SEC62: variants seen among roughly 807,000 people sequenced by gnomAD.
SEC62 encodes the protein translocation protein SEC62.
In SEC62, 10 loss-of-function variants were observed where a neutral mutation model predicts 47.5. That is an observed-to-expected ratio of 0.21 (90% CI 0.13 to 0.36). The LOEUF is 0.36. SEC62 is among the 10% of genes least tolerant of loss of function. The pLI, the probability that SEC62 is intolerant of heterozygous loss-of-function variation, is 1.00. For missense variants in SEC62, 327 were observed against 464.1 expected, an observed-to-expected ratio of 0.70 and a Z score of 2.71; for synonymous variants, 136 against 150.5, an observed-to-expected ratio of 0.90 and a Z score of 0.71.
rs1001635471 is a variant in SEC62, at chr3:169,996,477, G to A, written c.*3414G>A. On this transcript the variant is annotated 3_prime_UTR_variant, in exon 8 of 8. Transcript: ENST00000337002. The stretch of plus-strand genomic sequence containing the variant: ...CTTGCACCATTAAATAGTGTGTTAA[G>A]TGCTACGGCAGCAAATTGCTACATG... 2 of 152,660 alleles carry A rather than the reference G, an allele frequency of 1.3e-5. No individual in the cohort carries two copies. The highest frequency in any genetic ancestry group is 4.8e-5 in the African/African-American group (2 of 41,440). 9.5% of individuals were successfully genotyped at this position (152,660 alleles called of 1,614,324 possible). A position where few individuals can be genotyped will look rare whatever the true frequency, so the allele number is the denominator to read the frequency against.
chr3:169,990,775 G>A (rs1715231844), intron 7 of SEC62, among the ~76,000 whole-genome samples: 1 of 152,066 alleles, frequency 6.6e-6, no homozygotes, highest in Non-Finnish European at 1.5e-5. Context: ...AATGTGTACA[G>A]GAGTCTTTCA....
chr3:169,972,580 C>CTTTTT (rs11391826), intron 1 of SEC62, among the ~76,000 whole-genome samples: 45 of 114,894 alleles, frequency 3.9e-4, no homozygotes, highest in East Asian at 7.7e-4. Flanking sequence ...CTTTTTCTAT[C>CTTTTT]TTTTTTTTTT....
intron 5 of SEC62, among the ~76,000 whole-genome samples, chr3:169,984,118 C>T (rs945399470): frequency 1.3e-5 from 2 of 152,052 alleles, no homozygotes; most frequent in Non-Finnish European, 2.9e-5. Context: ...TATACCTATA[C>T]AATAGTAACA....
At chr3:169,977,493 A>C (rs1283400083) in intron 3 of SEC62, among the ~76,000 whole-genome samples, 2 of 152,156 alleles carry the variant, frequency 1.3e-5, no homozygotes, top group Admixed American at 1.3e-4. Context: ...CTAATGTAGT[A>C]TTTCTTCTAA....
At chr3:169,988,990 C>T (rs1048842863) in intron 7 of SEC62, among the ~76,000 whole-genome samples, 1 of 151,344 alleles carries the variant, frequency 6.6e-6, no homozygotes, top group African/African-American at 2.4e-5. Flanking sequence ...TAATTTTCAC[C>T]CAAGTACCAA....
At chr3:169,975,387 C>G (rs1398874916) in intron 1 of SEC62, 2 of 360,344 alleles carry the variant, frequency 5.6e-6, no homozygotes, top group African/African-American at 2.1e-5. Flanking sequence ...AGCCAAGAAG[C>G]AGACAGGCTT....
chr3:169,967,881 CTTT>C (rs11422239), intron 1 of SEC62, among the ~76,000 whole-genome samples: 3 of 147,198 alleles, frequency 2.0e-5, no homozygotes, highest in African/African-American at 7.5e-5. Flanking sequence ...TTTATCCCTT[CTTT>C]TTTTTTTTAA....
chr3:169,982,348 G>A (rs369209965), intron 3 of SEC62, among the ~76,000 whole-genome samples: 1 of 151,790 alleles, frequency 6.6e-6, no homozygotes, highest in Non-Finnish European at 1.5e-5. Flanking sequence ...TCTTTATTAC[G>A]TCAGCTCTTG....
At chr3:169,970,684 G>A (rs546917072) in intron 1 of SEC62, among the ~76,000 whole-genome samples, 17 of 152,286 alleles carry the variant, frequency 1.1e-4, no homozygotes, top group African/African-American at 4.1e-4. Context: ...TGGGTGCAAA[G>A]AAAGGAAAGG....
chr3:169,983,106 A>G, intron 4 of SEC62, 55 bp from the exon 5 acceptor site: 1 of 1,497,372 alleles, frequency 6.7e-7, no homozygotes, highest in Non-Finnish European at 9.2e-7. Flanking sequence ...CTGTATGAAC[A>G]TCATATTTCT....
intron 3 of SEC62, among the ~76,000 whole-genome samples, chr3:169,981,830 G>A (rs1222005035): frequency 2.6e-5 from 4 of 152,152 alleles, no homozygotes; most frequent in Non-Finnish European, 5.9e-5. Context: ...TGAGTTAGAA[G>A]ATAAGTGCTA....
Position 169,966,855 on chromosome 3 carries a change from C to A in SEC62, c.33C>A (p.Ile11=). Residue 11 remains isoleucine (I), a synonymous_variant, in exon 1 of 8, where the codon ATC becomes ATA. Transcript: ENST00000337002. Reference sequence around the variant, plus strand: ...AACGCAGGAGACACAAGAAGCGGATCCAGGTAGCAAAGCCGAGCTCTGGGC... The same window carrying A: ...AACGCAGGAGACACAAGAAGCGGATACAGGTAGCAAAGCCGAGCTCTGGGC... MAERRRHKKR[I]QEVGEPSKEE... 6.4e-7 allele frequency: 1 copy of A among 1,556,326 alleles called. No individual in the cohort carries two copies. Among genetic ancestry groups the A allele is most frequent in the Non-Finnish European group, 8.7e-7 (1 of 1,149,730 alleles).
At chr3:169,983,334 G>T in intron 5 of SEC62, 81 bp downstream of exon 5, 2 of 757,056 alleles carry the variant, frequency 2.6e-6, no homozygotes, top group East Asian at 2.9e-5. Context: ...CTAATAAAAG[G>T]AAAAATTTTG....
In SEC62 at chr3:169,993,904, A is replaced by G. The variant is rs1215218025; in HGVS notation, c.*841A>G. 6.6e-6 allele frequency: 1 copy of G among 152,666 alleles called. No individual in the cohort carries two copies. Among genetic ancestry groups the G allele is most frequent in the Non-Finnish European group, 1.5e-5 (1 of 68,036 alleles). 9.5% of individuals were successfully genotyped at this position (152,666 alleles called of 1,614,324 possible). A position where few individuals can be genotyped will look rare whatever the true frequency, so the allele number is the denominator to read the frequency against. Reference sequence around the variant, plus strand: ...CATGTAAGGGTATGTTTTTAGAGAAATGGAAGTTTGAGTAACCCACAGAAC... The same window carrying G: ...CATGTAAGGGTATGTTTTTAGAGAAGTGGAAGTTTGAGTAACCCACAGAAC... On this transcript the variant is annotated 3_prime_UTR_variant, in exon 8 of 8. Transcript: ENST00000337002.
At chr3:169,971,850 G>A (rs1412852168) in intron 1 of SEC62, among the ~76,000 whole-genome samples, 1 of 152,158 alleles carries the variant, frequency 6.6e-6, no homozygotes, top group Non-Finnish European at 1.5e-5. Context: ...GTTAGTATGA[G>A]TATATTTGTA....
At chr3:169,969,427 A>G (rs1007254291) in intron 1 of SEC62, 7 of 449,322 alleles carry the variant, frequency 1.6e-5, no homozygotes, top group African/African-American at 1.0e-4. Flanking sequence ...TAGATTAACA[A>G]TGTGCTGCTG....
chr3:169,975,720 G>A lies in SEC62; in HGVS notation c.145+4G>A, dbSNP rs1714820089. 1.9e-6 allele frequency: 3 copies of A among 1,557,736 alleles called. No individual in the cohort carries two copies. Among genetic ancestry groups the A allele is most frequent in the Admixed American group, 1.7e-5 (1 of 59,894 alleles). On this transcript the variant is annotated splice_donor_region_variant and intron_variant, in intron 2 of 7. Transcript: ENST00000337002. ...CACCGGGTTGATTATTTTATTGGTA[G>A]GATTATATCAGTAAAATCGTATTAG...
intron 2 of SEC62, among the ~76,000 whole-genome samples, chr3:169,976,627 T>A (rs1330621714): frequency 1.3e-5 from 2 of 152,354 alleles, no homozygotes; most frequent in East Asian, 3.8e-4. Flanking sequence ...TTTATCTACA[T>A]ATGCTTGTGA....
intron 1 of SEC62, among the ~76,000 whole-genome samples, chr3:169,974,289 T>A (rs1404910129): frequency 1.3e-5 from 2 of 152,250 alleles, no homozygotes; most frequent in Admixed American, 6.5e-5. Flanking sequence ...GAATGTTCTG[T>A]GTATTGTGCT....
Sources: gnomAD v4.1 joint callset for allele counts (sites outside exome capture counted in the v4.1 genomes callset) on GRCh38, gnomAD v4.1.1 for gene constraint, MANE v1.5 for transcripts, NCBI Gene and HGNC (gene_info 2026-07-23, HGNC 2026-07-21) for gene names.